LMBR1: variants seen among roughly 807,000 people sequenced by gnomAD.
LMBR1 encodes the protein limb development membrane protein 1, also known as limb region 1 protein homolog.
A neutral mutation model predicts 73.9 loss-of-function variants in LMBR1; 52 were observed. The observed-to-expected ratio is 0.70, with a 90% CI of 0.56 to 0.89. The LOEUF is 0.89. LMBR1 is among the 40% of genes least tolerant of loss of function. The pLI is 0.00. For synonymous variants in LMBR1, 215 were observed against 209.4 expected (o/e 1.03, Z -0.23); for missense variants, 539 against 579.8 (o/e 0.93, Z 0.72).
At chr7:156,779,017 C>T (rs1056541587) in intron 5 of LMBR1, among the ~76,000 whole-genome samples, 7 of 152,136 alleles carry the variant, frequency 4.6e-5, no homozygotes, top group Non-Finnish European at 7.4e-5. Context: ...CTTCAAACAA[C>T]AAAGTGGCAA....
intron 5 of LMBR1, among the ~76,000 whole-genome samples, chr7:156,769,835 C>T (rs999487954): frequency 3.3e-5 from 5 of 152,204 alleles, no homozygotes; most frequent in Admixed American, 6.5e-5. Context: ...CCAGGCTGCT[C>T]TGTGGCCCAG....
chr7:156,812,496 CA>C, intron 4 of LMBR1, among the ~76,000 whole-genome samples: 1 of 152,246 alleles, frequency 6.6e-6, no homozygotes, highest in Non-Finnish European at 1.5e-5. Context: ...CCTCTAGAAA[CA>C]AAGGCTAGCA....
rs1003956407 is a variant in LMBR1 at position 156,669,552 on chromosome 7, C to T, written n.867-265G>A. Among the ~76,000 whole-genome samples the T allele has an allele frequency of 6.6e-6, 1 of 152,136 alleles. No homozygotes were observed. Among genetic ancestry groups the T allele is most frequent in the Admixed American group, 6.5e-5 (1 of 15,276 alleles). On this transcript the variant is annotated intron_variant and non_coding_transcript_variant, in intron 4 of 4. Transcript: ENST00000430825. The surrounding 1 kb of genome is among the most constrained non-coding windows in gnomAD (Gnocchi z 4.2). ...AGTGTGAGCCGCTGGGCACAGGTGA[C>T]CCTTCCAGGACCCAGACCCCTGTGA... is the stretch of plus-strand genomic sequence containing the variant.
At chr7:156,786,555 C>A (rs1828144478) in intron 5 of LMBR1, among the ~76,000 whole-genome samples, 1 of 151,938 alleles carries the variant, frequency 6.6e-6, no homozygotes. Context: ...GACAAAGTAG[C>A]CAAAATAGAA....
At chr7:156,753,134 T>C (rs1357483760) in intron 9 of LMBR1, among the ~76,000 whole-genome samples, 1 of 152,050 alleles carries the variant, frequency 6.6e-6, no homozygotes, top group Non-Finnish European at 1.5e-5. Flanking sequence ...GGATGGGTTA[T>C]GTCACAGGCA....
intron 5 of LMBR1, among the ~76,000 whole-genome samples, chr7:156,788,786 G>A (rs938765467): frequency 1.3e-4 from 20 of 152,126 alleles, no homozygotes; most frequent in African/African-American, 3.6e-4. Flanking sequence ...AATGGCTCAC[G>A]CCTGTAATCC....
At chr7:156,734,286 A>C in intron 9 of LMBR1, 29 bp from the exon 10 acceptor site, 1 of 1,475,338 alleles carries the variant, frequency 6.8e-7, no homozygotes, top group Non-Finnish European at 9.3e-7. Context: ...ATTTAGAAGT[A>C]AAACAGAACC....
chr7:156,714,067 A>G lies in LMBR1; in HGVS notation c.1225+10045T>C, dbSNP rs879141529. Among the ~76,000 whole-genome samples, 2 of 152,338 alleles carry G rather than the reference A, an allele frequency of 1.3e-5. 1 individual carries two copies. Among genetic ancestry groups the G allele is most frequent in the Admixed American group, 1.3e-4 (2 of 15,300 alleles). Reference sequence around the variant, plus strand: ...AAGACAAGACTTTTTAAACAATGCAATATTTCCAGTATGGCCAAATGTCTA... The same window carrying G: ...AAGACAAGACTTTTTAAACAATGCAGTATTTCCAGTATGGCCAAATGTCTA... On this transcript the variant is annotated intron_variant, in intron 15 of 16. Coordinates refer to ENST00000353442, the MANE Select transcript of LMBR1 (RefSeq NM_022458.4).
In LMBR1 at chr7:156,681,218, G is replaced by T. The variant is rs574720242; in HGVS notation, c.*2860C>A. ...ACGAGGTCATCACTGAGGCTGCAGG[G>T]AGGGCCATGGGCACCCAGCAGATGG... On this transcript the variant is annotated 3_prime_UTR_variant, in exon 17 of 17. Transcript: ENST00000353442. 6.5e-5 allele frequency: 29 copies of T among 448,906 alleles called. No homozygotes were observed. The highest frequency in any genetic ancestry group is 1.3e-4 in the Non-Finnish European group (29 of 224,968). 27.8% of individuals were successfully genotyped at this position (448,906 alleles called of 1,614,324 possible).
intron 14 of LMBR1, 67 bp downstream of exon 14, chr7:156,725,368 T>A: frequency 1.1e-6 from 1 of 896,566 alleles, no homozygotes; most frequent in Non-Finnish European, 1.8e-6. Context: ...TCAGAATGAC[T>A]ATTAAATAAA....
chr7:156,706,109 G>A (rs1458079346), intron 15 of LMBR1, among the ~76,000 whole-genome samples: 1 of 150,584 alleles, frequency 6.6e-6, no homozygotes, highest in East Asian at 2.0e-4. Flanking sequence ...ACAAGACCAG[G>A]AGTAGTTATA....
In LMBR1 at chr7:156,688,166, G is replaced by A. The variant is rs777520385; in HGVS notation, c.1251C>T (p.Gly417=). ...TLGITRFDLL[G]DFGRFNWLGN... ...CCAGCCAATTAAACCTTCCAAAGTCGCCAAGTAGATCAAATCTAGTGATTC... is the reference window on the plus strand; with the variant it reads ...CCAGCCAATTAAACCTTCCAAAGTCACCAAGTAGATCAAATCTAGTGATTC... Residue 417 remains glycine, a synonymous_variant, in exon 16 of 17, where the codon GGC becomes GGT. Transcript: ENST00000353442. The A allele has an allele frequency of 4.7e-5, 75 of 1,601,328 alleles. No homozygotes were observed. The highest frequency in any genetic ancestry group is 4.5e-5 in the South Asian group (4 of 88,098).
intron 1 of LMBR1, among the ~76,000 whole-genome samples, chr7:156,852,224 C>T (rs1248560194): frequency 1.3e-5 from 2 of 152,148 alleles, no homozygotes; most frequent in East Asian, 1.9e-4. Flanking sequence ...AGTGTGAATA[C>T]TCACTACTGT....
At chr7:156,750,355 A>G (rs1244171532) in intron 9 of LMBR1, among the ~76,000 whole-genome samples, 1 of 152,038 alleles carries the variant, frequency 6.6e-6, no homozygotes, top group Non-Finnish European at 1.5e-5. Context: ...AAGATTTTCT[A>G]CCACAATTAA....
At chr7:156,786,369 T>C (rs6969301) in intron 5 of LMBR1, among the ~76,000 whole-genome samples, 66,644 of 151,864 alleles carry the variant, frequency 0.44, 14,900 homozygotes, top group East Asian at 0.6. Flanking sequence ...AAAAATACGT[T>C]TAATAATAGG....
chr7:156,765,378 C>T (rs1823900066), intron 5 of LMBR1, among the ~76,000 whole-genome samples: 1 of 152,150 alleles, frequency 6.6e-6, no homozygotes, highest in Admixed American at 6.5e-5. Context: ...GGCACTCATT[C>T]TCTCTCCTGC....
At chr7:156,809,100 A>C (rs1381631313) in intron 4 of LMBR1, among the ~76,000 whole-genome samples, 1 of 152,134 alleles carries the variant, frequency 6.6e-6, no homozygotes, top group East Asian at 1.9e-4. Context: ...AGTGCTCTTC[A>C]TTTCATTTTG....
At chr7:156,853,051 G>T in intron 1 of LMBR1, among the ~76,000 whole-genome samples, 1 of 150,596 alleles carries the variant, frequency 6.6e-6, no homozygotes, top group East Asian at 2.0e-4. Context: ...CCATTTTCCC[G>T]CCTCGGCCTC....
chr7:156,843,953 T>C (rs551105670), intron 1 of LMBR1, among the ~76,000 whole-genome samples: 1 of 151,920 alleles, frequency 6.6e-6, no homozygotes, highest in African/African-American at 2.4e-5. Flanking sequence ...ATAAGACTAA[T>C]GGAAAATAAT....
Sources: gnomAD v4.1 joint callset for allele counts (sites outside exome capture counted in the v4.1 genomes callset) on GRCh38, gnomAD v4.1.1 for gene constraint, Gnocchi (gnomAD v3.1) non-coding constraint, MANE v1.5 for transcripts, NCBI Gene and HGNC (gene_info 2026-07-23, HGNC 2026-07-21) for gene names.